SV2B: variants seen among roughly 807,000 people sequenced by gnomAD.
SV2B encodes the protein synaptic vesicle glycoprotein 2B, also known as solute carrier family 22 member B2.
In SV2B, 41 loss-of-function variants were observed where a neutral mutation model predicts 73.9. That is an observed-to-expected ratio of 0.56 (90% CI 0.43 to 0.72). The LOEUF (loss-of-function observed/expected upper bound fraction) is 0.72. Among genes scored for constraint, SV2B ranks in the 30% least tolerant of loss-of-function variants. The pLI is 0.00. For synonymous variants in SV2B, 314 were observed against 314.2 expected, an observed-to-expected ratio of 1.00 and a Z score of 0.01; for missense variants, 764 against 857.8, an observed-to-expected ratio of 0.89 and a Z score of 1.37.
intron 1 of SV2B, among the ~76,000 whole-genome samples, chr15:91,209,125 T>TG (rs1013321960): frequency 1.7e-4 from 24 of 139,842 alleles, no homozygotes; most frequent in South Asian, 6.8e-4. Flanking sequence ...TTTTTTTTTT[T>TG]TTTTTTTTTT....
rs2042542862 is a variant in SV2B at position 91,128,251 on chromosome 15, G to A, written c.-392+27888G>A. ...CACCAGTGAGTCATCCGCAGAGGCT[G>A]TTCTCCAAGAAGGTGGGATGGGAGA... is the stretch of plus-strand genomic sequence containing the variant. On this transcript the variant is annotated intron_variant, in intron 1 of 12. Transcript: ENST00000394232. The surrounding 1 kb of genome is among the most constrained non-coding windows in gnomAD (Gnocchi z 4.2). Among the ~76,000 whole-genome samples, 1 of 152,200 alleles carries A rather than the reference G, an allele frequency of 6.6e-6. No homozygotes were observed. The highest frequency in any genetic ancestry group is 2.1e-4 in the South Asian group (1 of 4,830).
intron 1 of SV2B, among the ~76,000 whole-genome samples, chr15:91,204,342 A>G (rs1259025126): frequency 6.6e-6 from 1 of 152,164 alleles, no homozygotes; most frequent in Non-Finnish European, 1.5e-5. Context: ...CAAGTTGTCA[A>G]TAGCCAACTG....
intron 1 of SV2B, among the ~76,000 whole-genome samples, chr15:91,165,989 A>G (rs952527252): frequency 1.3e-5 from 2 of 152,192 alleles, no homozygotes; most frequent in African/African-American, 4.8e-5. Flanking sequence ...TGAATATAGA[A>G]TTCTGGGTAG....
At chr15:91,208,681 C>T (rs2045733728) in intron 1 of SV2B, among the ~76,000 whole-genome samples, 2 of 152,176 alleles carry the variant, frequency 1.3e-5, no homozygotes, top group Admixed American at 6.5e-5. Flanking sequence ...ATTCATCTTT[C>T]CCCCTCCTTG....
At position 91,130,931 on chromosome 15, in the gene SV2B, TGATGGA is replaced by T. The variant is rs767984617; in HGVS notation, c.-392+30569_-392+30574del. Reference sequence around the variant, plus strand: ...TGAAGATGCAAAAGGAGGAGATGGTTGATGGATCCAAGTTCAGGAACACATGGGAGG... The same window carrying T: ...TGAAGATGCAAAAGGAGGAGATGGTTTCCAAGTTCAGGAACACATGGGAGG... On this transcript the variant is annotated intron_variant, in intron 1 of 12. Coordinates refer to ENST00000394232, the MANE Select transcript of SV2B (RefSeq NM_001323032.3). The surrounding 1 kb of genome is among the most constrained non-coding windows in gnomAD (Gnocchi z 5.6). Among the ~76,000 whole-genome samples, 1 of 151,816 alleles carries T rather than the reference TGATGGA, an allele frequency of 6.6e-6. No individual in the cohort carries two copies. The highest frequency in any genetic ancestry group is 1.5e-5 in the Non-Finnish European group (1 of 67,956).
In SV2B at chr15:91,132,297, G is replaced by A. The variant is rs1462952383; in HGVS notation, c.-392+31934G>A. 2.6e-5 allele frequency among the ~76,000 whole-genome samples: 4 copies of A among 152,166 alleles called. No individual in the cohort carries two copies. The highest frequency in any genetic ancestry group is 2.6e-4 in the Admixed American group (4 of 15,276). ...GTAGTAGCCCACAATCAGTCTGATT[G>A]GTTGCAGAAAGCAGCCAACCAGAGG... On this transcript the variant is annotated intron_variant, in intron 1 of 12. Coordinates refer to ENST00000394232, the MANE Select transcript of SV2B (RefSeq NM_001323032.3). This position sits in a 1 kb window ranked among gnomAD's most constrained non-coding sequence, Gnocchi z 4.6.
chr15:91,148,767 G>A (rs2043221885), intron 1 of SV2B, among the ~76,000 whole-genome samples: 1 of 152,206 alleles, frequency 6.6e-6, no homozygotes, highest in Non-Finnish European at 1.5e-5. Context: ...GGTCCAGTCT[G>A]AGTCCACATC....
chr15:91,172,481 C>G (rs2044157258), intron 1 of SV2B, among the ~76,000 whole-genome samples: 1 of 152,184 alleles, frequency 6.6e-6, no homozygotes, highest in African/African-American at 2.4e-5. Context: ...TTTGGTCCCA[C>G]CATGTCTTCT....
rs2047539609 is a variant in SV2B, at chr15:91,252,732, CTCCTTCCTTCCCT to C, written c.784+219_784+231del. On this transcript the variant is annotated intron_variant, in intron 4 of 12. Coordinates refer to ENST00000394232, the MANE Select transcript of SV2B (RefSeq NM_001323032.3). This position sits in a 1 kb window ranked among gnomAD's most constrained non-coding sequence, Gnocchi z 4.6. ...AATATATCCTGTCCTCCCTCTTTTC[CTCCTTCCTTCCCT>C]TCCTTCATTCTTCCCTTTCTCCTTC... is the stretch of plus-strand genomic sequence containing the variant. Among the ~76,000 whole-genome samples, 2 of 151,970 alleles carry C rather than the reference CTCCTTCCTTCCCT, an allele frequency of 1.3e-5. No individual in the cohort carries two copies. The highest frequency in any genetic ancestry group is 2.1e-4 in the South Asian group (1 of 4,808).
rs2049238623 is a variant in SV2B at position 91,296,609 on chromosome 15, GCTCCTTCTGCCTGATCGTTGGGAGCACA to G, written c.*4061_*4088del. ...CCTTCTGCCTGATCATTGGGAGCAC[GCTCCTTCTGCCTGATCGTTGGGAGCACA>G]CTCTTTCTGCCTGATCGTTGGGAGC... On this transcript the variant is annotated 3_prime_UTR_variant, in exon 13 of 13. Coordinates refer to ENST00000394232, the MANE Select transcript of SV2B (RefSeq NM_001323032.3). 1 of 144,802 alleles carries G rather than the reference GCTCCTTCTGCCTGATCGTTGGGAGCACA, an allele frequency of 6.9e-6. No individual in the cohort carries two copies. Among genetic ancestry groups the G allele is most frequent in the South Asian group, 2.1e-4 (1 of 4,658 alleles). 9.0% of individuals were successfully genotyped at this position (144,802 alleles called of 1,614,324 possible).
intron 2 of SV2B, among the ~76,000 whole-genome samples, chr15:91,226,948 A>G (rs1270747646): frequency 1.3e-5 from 2 of 152,162 alleles, no homozygotes; most frequent in Non-Finnish European, 2.9e-5. Context: ...TTTGCTTTCC[A>G]GATCTTGTTG....
chr15:91,166,361 T>A (rs2043910830), intron 1 of SV2B, among the ~76,000 whole-genome samples: 1 of 152,000 alleles, frequency 6.6e-6, no homozygotes, highest in African/African-American at 2.4e-5. Context: ...TTAAAAATAT[T>A]TTAAATATAA....
chr15:91,167,110 G>T (rs1449061049), intron 1 of SV2B, among the ~76,000 whole-genome samples: 1 of 152,128 alleles, frequency 6.6e-6, no homozygotes, highest in East Asian at 1.9e-4. Context: ...ACCGCGCCCG[G>T]CCGTATAGTT....
At chr15:91,228,250 CA>C (rs2046449242) in intron 2 of SV2B, among the ~76,000 whole-genome samples, 1 of 152,066 alleles carries the variant, frequency 6.6e-6, no homozygotes, top group African/African-American at 2.4e-5. Flanking sequence ...TATATGCAAA[CA>C]GAAGAAAGGG....
chr15:91,155,846 T>G (rs2141232052), intron 1 of SV2B, among the ~76,000 whole-genome samples: 1 of 152,178 alleles, frequency 6.6e-6, no homozygotes, highest in East Asian at 1.9e-4. Flanking sequence ...ACCGTTAAGG[T>G]AGATAGTTGT....
intron 1 of SV2B, among the ~76,000 whole-genome samples, chr15:91,221,970 A>G (rs1336348497): frequency 6.6e-6 from 1 of 152,090 alleles, no homozygotes; most frequent in African/African-American, 2.4e-5. Context: ...CCACTCTTGG[A>G]TCAACTGCTG....
Position 91,268,315 on chromosome 15 carries a change from TTCTAATAATGAACCAAATTAATG to T in SV2B, c.1209-124_1209-102del, listed in dbSNP as rs2048174844. The T allele has an allele frequency of 4.1e-6, 4 of 982,694 alleles. No individual in the cohort carries two copies. Among genetic ancestry groups the T allele is most frequent in the Non-Finnish European group, 5.8e-6 (4 of 686,348 alleles). 60.9% of individuals were successfully genotyped at this position (982,694 alleles called of 1,614,324 possible). On this transcript the variant is annotated intron_variant, in intron 8 of 12. Coordinates refer to ENST00000394232, the MANE Select transcript of SV2B (RefSeq NM_001323032.3). This position sits in a 1 kb window ranked among gnomAD's most constrained non-coding sequence, Gnocchi z 4.4. ...ATATGAGGATTTATATTGTCAGATT[TTCTAATAATGAACCAAATTAATG>T]TATTTTCAATGAGTTTGATCTGCAT...
chr15:91,216,729 C>T (rs1183209357), intron 1 of SV2B, among the ~76,000 whole-genome samples: 1 of 151,654 alleles, frequency 6.6e-6, no homozygotes, highest in Non-Finnish European at 1.5e-5. Flanking sequence ...CCTCGGCCTC[C>T]CAAAGTGCTA....
chr15:91,285,877 G>A (rs2048844329), intron 11 of SV2B, among the ~76,000 whole-genome samples: 1 of 152,128 alleles, frequency 6.6e-6, no homozygotes, highest in Non-Finnish European at 1.5e-5. Context: ...CAGAAGTGGG[G>A]TGGGGGTGTG....
Sources: gnomAD v4.1 joint callset for allele counts (sites outside exome capture counted in the v4.1 genomes callset) on GRCh38, gnomAD v4.1.1 for gene constraint, Gnocchi (gnomAD v3.1) non-coding constraint, MANE v1.5 for transcripts, NCBI Gene and HGNC (gene_info 2026-07-23, HGNC 2026-07-21) for gene names.